MTMR7: variants seen among roughly 807,000 people sequenced by gnomAD.
MTMR7 encodes myotubularin related protein 7.
A neutral mutation model predicts 81.2 loss-of-function variants in MTMR7; 76 were observed. That is an observed-to-expected ratio of 0.94 (90% CI 0.78 to 1.13). MTMR7 has a LOEUF of 1.13. Among genes scored for constraint, MTMR7 ranks in the 50% most tolerant of loss-of-function variants. The probability of loss-of-function intolerance (pLI) is 0.00; values close to 1 mark genes in which losing one functional copy is unlikely to be tolerated. For synonymous variants in MTMR7, 372 were observed against 289.8 expected (o/e 1.28, Z -2.88); for missense variants, 1,044 against 820.0 (o/e 1.27, Z -3.34).
chr8:17,341,528 C>T (rs951383741), intron 5 of MTMR7, 31 bp from the exon 6 acceptor site: 2 of 1,609,736 alleles, frequency 1.2e-6, no homozygotes, highest in African/African-American at 2.7e-5. Flanking sequence ...AACACAGCAC[C>T]ATCAGGTAAC....
At chr8:17,318,211 T>C (rs1379090144) in intron 7 of MTMR7, among the ~76,000 whole-genome samples, 1 of 152,112 alleles carries the variant, frequency 6.6e-6, no homozygotes, top group Admixed American at 6.5e-5. Context: ...CACACCTTCC[T>C]TATGCACGGA....
intron 1 of MTMR7, among the ~76,000 whole-genome samples, chr8:17,393,486 G>A (rs1821161469): frequency 6.6e-6 from 1 of 152,148 alleles, no homozygotes; most frequent in Non-Finnish European, 1.5e-5. Flanking sequence ...GAATTATTTA[G>A]TACCCCAAAT....
intron 1 of MTMR7, among the ~76,000 whole-genome samples, chr8:17,381,206 A>G (rs10093280): frequency 0.043 from 6,581 of 151,978 alleles, 338 homozygotes; most frequent in African/African-American, 0.12. Flanking sequence ...GGTTAGACTG[A>G]GGGGAAAAAA....
chr8:17,407,703 T>A (rs1821628385), intron 1 of MTMR7, among the ~76,000 whole-genome samples: 1 of 152,006 alleles, frequency 6.6e-6, no homozygotes, highest in South Asian at 2.1e-4. Flanking sequence ...ATCCTAAATT[T>A]CTAAGCAAAC....
intron 1 of MTMR7, among the ~76,000 whole-genome samples, chr8:17,388,250 T>A (rs979572725): frequency 9.2e-5 from 14 of 152,312 alleles, no homozygotes; most frequent in African/African-American, 3.4e-4. Flanking sequence ...CCAGGATTTA[T>A]TTCAACACCA....
chr8:17,401,381 G>A (rs1821425174), intron 1 of MTMR7, among the ~76,000 whole-genome samples: 1 of 152,134 alleles, frequency 6.6e-6, no homozygotes. Context: ...CCAGGGAGTA[G>A]TGGTCAAGCA....
chr8:17,310,331 A>G (rs1474846917), intron 9 of MTMR7, among the ~76,000 whole-genome samples: 3 of 152,158 alleles, frequency 2.0e-5, no homozygotes, highest in Admixed American at 6.5e-5. Flanking sequence ...GTCAAGTAAT[A>G]TGGATAGTCT....
intron 1 of MTMR7, among the ~76,000 whole-genome samples, chr8:17,386,267 A>T (rs1820939974): frequency 6.6e-6 from 1 of 152,206 alleles, no homozygotes; most frequent in Non-Finnish European, 1.5e-5. Context: ...AGTCCCAGCT[A>T]ATCAGAGGGC....
At chr8:17,317,604 A>C (rs1275017624) in intron 7 of MTMR7, among the ~76,000 whole-genome samples, 4 of 152,264 alleles carry the variant, frequency 2.6e-5, no homozygotes, top group African/African-American at 7.2e-5. Flanking sequence ...CTCTTGTGGA[A>C]GTGTGGAAAG....
chr8:17,348,304 G>A (rs747256879), intron 5 of MTMR7, among the ~76,000 whole-genome samples: 12 of 152,160 alleles, frequency 7.9e-5, no homozygotes, highest in Non-Finnish European at 1.6e-4. Flanking sequence ...TTGTGAGGCC[G>A]AGGCAGGTGG....
chr8:17,363,833 T>A (rs1004315158), intron 3 of MTMR7, among the ~76,000 whole-genome samples: 6 of 151,894 alleles, frequency 4.0e-5, no homozygotes, highest in Admixed American at 6.6e-5. Context: ...TGTCATAATT[T>A]TCTGTTCTTT....
chr8:17,388,956 CCAT>C (rs1295891328), intron 1 of MTMR7, among the ~76,000 whole-genome samples: 2 of 152,216 alleles, frequency 1.3e-5, no homozygotes, highest in Non-Finnish European at 2.9e-5. Context: ...CCTAAAGTGT[CCAT>C]CATTCCCACT....
At chr8:17,375,204 A>G (rs558572810) in intron 1 of MTMR7, among the ~76,000 whole-genome samples, 1 of 152,122 alleles carries the variant, frequency 6.6e-6, no homozygotes, top group East Asian at 1.9e-4. Flanking sequence ...ATTCCTCAAA[A>G]CACCAAGAGC....
intron 4 of MTMR7, among the ~76,000 whole-genome samples, chr8:17,356,886 A>G (rs1819907723): frequency 1.3e-5 from 2 of 152,178 alleles, no homozygotes; most frequent in South Asian, 4.1e-4. Context: ...ATATCTTGCA[A>G]GCAGGCCAAT....
At chr8:17,303,867 A>G (rs966252727) in intron 12 of MTMR7, among the ~76,000 whole-genome samples, 6 of 152,166 alleles carry the variant, frequency 3.9e-5, no homozygotes, top group Admixed American at 1.3e-4. Context: ...GCCTCGGCTA[A>G]TACATACAAT....
At chr8:17,365,725 AAAGTT>A (rs150483627) in intron 3 of MTMR7, among the ~76,000 whole-genome samples, 338 of 152,346 alleles carry the variant, frequency 2.2e-3, no homozygotes, top group African/African-American at 7.7e-3. Flanking sequence ...ACATTCAGAA[AAAGTT>A]AAGTGGAAAT....
At chr8:17,328,673 G>A (rs1040717470) in intron 7 of MTMR7, among the ~76,000 whole-genome samples, 2 of 151,974 alleles carry the variant, frequency 1.3e-5, no homozygotes, top group Non-Finnish European at 2.9e-5. Flanking sequence ...CATGGCACAC[G>A]TTCACTTATG....
chr8:17,382,567 C>A lies in MTMR7; in HGVS notation c.25-9327G>T, dbSNP rs1490784116. Among the ~76,000 whole-genome samples, 4 of 152,206 alleles carry A rather than the reference C, an allele frequency of 2.6e-5. No homozygotes were observed. The East Asian group carries it at 7.7e-4, about 29-fold the overall frequency. On this transcript the variant is annotated intron_variant, in intron 1 of 13. Transcript: ENST00000180173. ...TTTAAAATCTATTTAGCACATCCAT[C>A]CGTCCATCCATCTTCTTTTCTTTTT...
intron 10 of MTMR7, among the ~76,000 whole-genome samples, chr8:17,309,074 G>C (rs1817645889): frequency 6.6e-6 from 1 of 151,524 alleles, no homozygotes; most frequent in African/African-American, 2.4e-5. Flanking sequence ...GTTAACATTA[G>C]TTAGTTCTGC....
Sources: gnomAD v4.1 joint callset for allele counts (sites outside exome capture counted in the v4.1 genomes callset) on GRCh38, gnomAD v4.1.1 for gene constraint, MANE v1.5 for transcripts, NCBI Gene and HGNC (gene_info 2026-07-23, HGNC 2026-07-21) for gene names.